ETV7: variants seen among roughly 807,000 people sequenced by gnomAD.
ETV7 encodes transcription factor ETV7.
ETV7 carries 43 observed loss-of-function variants against 39.1 expected under a neutral mutation model. That is an observed-to-expected ratio of 1.10 (90% CI 0.86 to 1.42). ETV7 has a LOEUF of 1.42. Ranked by LOEUF, ETV7 falls within the 40% of genes most tolerant of loss-of-function variation. ETV7 has a pLI of 0.00. For missense variants in ETV7, 432 were observed against 442.3 expected, an observed-to-expected ratio of 0.98 and a Z score of 0.21; for synonymous variants, 196 against 176.6, an observed-to-expected ratio of 1.11 and a Z score of -0.87.
chr6:36,354,657 T>C (rs1274030312), exon 8 of ETV7: 1 of 698,428 alleles, frequency 1.4e-6, no homozygotes, highest in East Asian at 2.7e-5. Flanking sequence ...GGAAACTCCA[T>C]ATGAATATGA....
rs944488696 is a variant in ETV7 at position 36,385,461 on chromosome 6, G to T, written c.142+73C>A. ...CACTCTAGCCTAAGTAAGCAACAGA[G>T]CAAGACCCTGGATCTAAAACAAAAT... On this transcript the variant is annotated intron_variant, in intron 2 of 7. Coordinates refer to ENST00000340181, the MANE Select transcript of ETV7 (RefSeq NM_016135.4). 1.0e-4 allele frequency: 164 copies of T among 1,589,332 alleles called. 2 individuals carry two copies. The Admixed American group carries it at 2.7e-3, about 26-fold the overall frequency.
At chr6:36,356,111 C>CA (rs1391023613) in intron 7 of ETV7, among the ~76,000 whole-genome samples, 3 of 152,132 alleles carry the variant, frequency 2.0e-5, no homozygotes, top group African/African-American at 7.2e-5. Flanking sequence ...TTGGGATTGT[C>CA]AAAGAATTGA....
At chr6:36,369,249 G>A (rs1772884798) in intron 5 of ETV7, among the ~76,000 whole-genome samples, 178 bp from the exon 6 acceptor site, 1 of 152,198 alleles carries the variant, frequency 6.6e-6, no homozygotes, top group African/African-American at 2.4e-5. Flanking sequence ...ATTGTCTCAG[G>A]CAGTCTTCCT....
In ETV7 at chr6:36,369,010, G is replaced by A; in HGVS notation, c.726C>T (p.Tyr242=). The part of the protein sequence containing the change: ...QLLLDTRYEP[Y]IKWEDKDAKI... ...TGGCGTCCTTGTCTTCCCACTTGATGTAGGGCTCATATCGGGTATCAAGGA... is the reference window on the plus strand; with the variant it reads ...TGGCGTCCTTGTCTTCCCACTTGATATAGGGCTCATATCGGGTATCAAGGA... The change falls in exon 6 of 8, where the codon TAC becomes TAT. Residue 242 remains tyrosine, a synonymous_variant. Transcript: ENST00000340181. 2 of 1,614,192 alleles carry A rather than the reference G, an allele frequency of 1.2e-6. No homozygotes were observed. The highest frequency in any genetic ancestry group is 1.7e-6 in the Non-Finnish European group (2 of 1,180,036).
intron 7 of ETV7, among the ~76,000 whole-genome samples, chr6:36,357,064 T>C (rs1023307437): frequency 3.1e-4 from 47 of 152,332 alleles, no homozygotes; most frequent in African/African-American, 1.1e-3. Context: ...ATTATCTCTT[T>C]TTTTTGGATC....
chr6:36,374,429 G>C (rs1167991167), intron 3 of ETV7, among the ~76,000 whole-genome samples: 1 of 152,164 alleles, frequency 6.6e-6, no homozygotes, highest in African/African-American at 2.4e-5. Context: ...TTGGGCTAAG[G>C]TGCTGATAGT....
chr6:36,376,517 C>A (rs1204842131), intron 2 of ETV7, among the ~76,000 whole-genome samples: 1 of 152,198 alleles, frequency 6.6e-6, no homozygotes, highest in Non-Finnish European at 1.5e-5. Flanking sequence ...GTGGCTCATG[C>A]CTGTAATCTC....
chr6:36,362,872 C>T (rs1772549070), downstream of ETV7, among the ~76,000 whole-genome samples: 1 of 152,134 alleles, frequency 6.6e-6, no homozygotes, highest in Non-Finnish European at 1.5e-5. Context: ...TCCATCAACC[C>T]ACCAGCAGGC....
At chr6:36,356,388 A>G (rs1175265560) in intron 7 of ETV7, among the ~76,000 whole-genome samples, 2 of 152,180 alleles carry the variant, frequency 1.3e-5, no homozygotes, top group East Asian at 1.9e-4. Context: ...ATATACAACT[A>G]TTATATATCA....
intron 2 of ETV7, among the ~76,000 whole-genome samples, chr6:36,384,648 G>T (rs1773807309): frequency 6.6e-6 from 1 of 152,132 alleles, no homozygotes; most frequent in Non-Finnish European, 1.5e-5. Context: ...CCAGCATTTT[G>T]GGAGGCCGAG....
chr6:36,354,568 G>T (rs924736724), exon 8 of ETV7: 1 of 676,222 alleles, frequency 1.5e-6, no homozygotes, highest in African/African-American at 1.8e-5. Context: ...TAGCTTTGTA[G>T]CAAGTTTCAA....
chr6:36,378,602 C>T (rs1435227141), intron 2 of ETV7, among the ~76,000 whole-genome samples: 1 of 152,156 alleles, frequency 6.6e-6, no homozygotes, highest in Non-Finnish European at 1.5e-5. Flanking sequence ...AGGTCAAGAG[C>T]ATCTGTAAAT....
At chr6:36,373,085 G>C (rs1021270520) in intron 4 of ETV7, among the ~76,000 whole-genome samples, 1 of 151,958 alleles carries the variant, frequency 6.6e-6, no homozygotes, top group African/African-American at 2.4e-5. Context: ...GTGACCCCCA[G>C]GGTCAAAGGC....
In ETV7 at chr6:36,366,627, C is replaced by T. The variant is rs1046309462; in HGVS notation, c.*18G>A. 6.8e-6 allele frequency: 11 copies of T among 1,614,016 alleles called. No homozygotes were observed. The highest frequency in any genetic ancestry group is 1.1e-5 in the South Asian group (1 of 91,084). On this transcript the variant is annotated 3_prime_UTR_variant, in exon 8 of 8. Coordinates refer to ENST00000340181, the MANE Select transcript of ETV7 (RefSeq NM_016135.4). Reference sequence around the variant, plus strand: ...TCCCTGCCCCATCGGTACCGGGTGCCTGGAGTCCACCTGCCCCTCACGGAG... The same window carrying T: ...TCCCTGCCCCATCGGTACCGGGTGCTTGGAGTCCACCTGCCCCTCACGGAG...
chr6:36,374,254 G>A (rs1314820876), intron 3 of ETV7, among the ~76,000 whole-genome samples: 1 of 152,064 alleles, frequency 6.6e-6, no homozygotes, highest in Non-Finnish European at 1.5e-5. Context: ...CTACTTGGGA[G>A]GCTGAGGCAG....
intron 1 of ETV7, among the ~76,000 whole-genome samples, 192 bp downstream of exon 1, chr6:36,387,344 G>T (rs1773961963): frequency 6.6e-6 from 1 of 152,200 alleles, no homozygotes; most frequent in Non-Finnish European, 1.5e-5. Flanking sequence ...GTCAGGGGCG[G>T]TGACCCGCGT....
At chr6:36,363,993 G>C (rs1317792699), downstream of ETV7, among the ~76,000 whole-genome samples, 1 of 152,002 alleles carries the variant, frequency 6.6e-6, no homozygotes, top group Non-Finnish European at 1.5e-5. Flanking sequence ...AGAGCAGCTA[G>C]ATACAGAGTG....
intron 3 of ETV7, among the ~76,000 whole-genome samples, chr6:36,373,880 T>C (rs1773172067): frequency 6.6e-6 from 1 of 152,178 alleles, no homozygotes; most frequent in Non-Finnish European, 1.5e-5. Context: ...CACACACCCT[T>C]GGCTGAGGGC....
intron 4 of ETV7, among the ~76,000 whole-genome samples, chr6:36,372,845 T>C (rs1020877783): frequency 6.0e-5 from 9 of 149,946 alleles, no homozygotes; most frequent in African/African-American, 2.2e-4. Context: ...AAGACATATA[T>C]TGGAATCCTT....
Sources: gnomAD v4.1 joint callset for allele counts (sites outside exome capture counted in the v4.1 genomes callset) on GRCh38, gnomAD v4.1.1 for gene constraint, MANE v1.5 for transcripts, NCBI Gene and HGNC (gene_info 2026-07-23, HGNC 2026-07-21) for gene names.